HHIPL1: variants seen among roughly 807,000 people sequenced by gnomAD.
HHIPL1 encodes HHIP like 1, also known as HHIP-like protein 1.
Under a neutral mutation model 61.8 loss-of-function variants are expected in HHIPL1, and 43 were observed. The observed-to-expected ratio is 0.70, with a 90% CI of 0.55 to 0.90. The LOEUF (loss-of-function observed/expected upper bound fraction) is 0.90, where lower values mean the gene tolerates loss of function less well. Among genes scored for constraint, HHIPL1 ranks in the 40% least tolerant of loss-of-function variants. The probability of loss-of-function intolerance (pLI) is 0.00; values close to 1 mark genes in which losing one functional copy is unlikely to be tolerated. For synonymous variants in HHIPL1, 482 were observed against 515.8 expected, an observed-to-expected ratio of 0.93 and a Z score of 0.89; for missense variants, 1,056 against 1,157.7, an observed-to-expected ratio of 0.91 and a Z score of 1.28.
At chr14:99,622,998 T>G in the HHIPL1 span, among the ~76,000 whole-genome samples, 1 of 152,186 alleles carries the variant, frequency 6.6e-6, no homozygotes, top group East Asian at 1.9e-4. Context: ...ACCCATGTGC[T>G]ATGGAACTGC....
Position 99,668,096 on chromosome 14 carries a change from C to T in HHIPL1, c.1649-126C>T. The T allele has an allele frequency of 2.8e-6, 2 of 719,588 alleles. No homozygotes were observed. The highest frequency in any genetic ancestry group is 5.2e-6 in the Non-Finnish European group (2 of 385,400). The allele number at this position is 719,588 out of a possible 1,614,324, so 44.6% of individuals were successfully genotyped here. A position where few individuals can be genotyped will look rare whatever the true frequency, so the allele number is the denominator to read the frequency against. On this transcript the variant is annotated intron_variant, in intron 6 of 8. Coordinates refer to ENST00000330710, the MANE Select transcript of HHIPL1 (RefSeq NM_001127258.3). This position sits in a 1 kb window ranked among gnomAD's most constrained non-coding sequence, Gnocchi z 4.7. ...GGACAGCTAGACTGAGCTGGGATGC[C>T]TCACGTGATGGCTAGCTGGGGTTGG... is the stretch of plus-strand genomic sequence containing the variant.
the HHIPL1 span, among the ~76,000 whole-genome samples, chr14:99,626,865 C>T: frequency 1.3e-5 from 2 of 152,180 alleles, no homozygotes; most frequent in African/African-American, 4.8e-5. Flanking sequence ...CCTCCCCCCT[C>T]GAAGCATCCC....
At chr14:99,664,914 T>TC (rs1266884849) in intron 6 of HHIPL1, among the ~76,000 whole-genome samples, 5 of 124,110 alleles carry the variant, frequency 4.0e-5, no homozygotes, top group Non-Finnish European at 8.6e-5. Context: ...ATTTTTTTTT[T>TC]CTTTTTTTTT....
chr14:99,640,549 T>C (rs1170115232), upstream of HHIPL1, among the ~76,000 whole-genome samples: 1 of 152,222 alleles, frequency 6.6e-6, no homozygotes, highest in Non-Finnish European at 1.5e-5. Flanking sequence ...CCTCCCAAAG[T>C]GCTGGAATAT....
the HHIPL1 span, among the ~76,000 whole-genome samples, chr14:99,609,005 G>C: frequency 6.6e-6 from 1 of 152,192 alleles, no homozygotes; most frequent in African/African-American, 2.4e-5. Flanking sequence ...CTCTTCTGCT[G>C]TGACTCTGGT....
chr14:99,613,831 A>G, the HHIPL1 span, among the ~76,000 whole-genome samples: 4 of 152,094 alleles, frequency 2.6e-5, no homozygotes, highest in Admixed American at 6.5e-5. Context: ...GAATCACTTG[A>G]ACCCAGGAGT....
rs572979321 is a variant in HHIPL1 at position 99,659,598 on chromosome 14, C to A, written c.1217C>A (p.Pro406His). 7.5e-5 allele frequency: 117 copies of A among 1,551,074 alleles called. No individual in the cohort carries two copies. In the Middle Eastern group the frequency reaches 8.5e-4, roughly 11 times the overall value. ...MWRCSFDRGDPSSGTGRGRLF... is the reference protein window; with the variant it reads ...MWRCSFDRGDHSSGTGRGRLF... ...CGCTGCTCCTTCGACCGTGGCGACC[C>A]CTCCTCGGGCACTGGCCGCGGGCGC... is the stretch of plus-strand genomic sequence containing the variant. The change falls in exon 4 of 9, where the codon CCC becomes CAC. Residue 406 changes from proline to histidine, a missense_variant. By Grantham distance (77) the Pro-to-His change is moderately conservative (BLOSUM62 -2). Coordinates refer to ENST00000330710, the MANE Select transcript of HHIPL1 (RefSeq NM_001127258.3).
intron 1 of HHIPL1, among the ~76,000 whole-genome samples, chr14:99,650,081 G>T (rs2055901490): frequency 6.6e-6 from 1 of 152,262 alleles, no homozygotes; most frequent in Non-Finnish European, 1.5e-5. Flanking sequence ...CCCTTGGCCA[G>T]TCAGGTGAGA....
At position 99,679,032 on chromosome 14, in the gene HHIPL1, C is replaced by A. The variant is rs934527267; in HGVS notation, c.*3406C>A. On this transcript the variant is annotated 3_prime_UTR_variant, in exon 9 of 9. Transcript: ENST00000330710. Reference sequence around the variant, plus strand: ...CACTCATGTAATCCTCATATTAATGCACATTTACTCACGTGGAAGCCGAGT... The same window carrying A: ...CACTCATGTAATCCTCATATTAATGAACATTTACTCACGTGGAAGCCGAGT... The A allele has an allele frequency of 1.3e-5, 2 of 152,242 alleles. No individual in the cohort carries two copies. Among genetic ancestry groups the A allele is most frequent in the African/African-American group, 4.8e-5 (2 of 41,464 alleles). 9.4% of individuals were successfully genotyped at this position (152,242 alleles called of 1,614,324 possible).
chr14:99,669,908 G>A (rs2056307439), intron 7 of HHIPL1, among the ~76,000 whole-genome samples: 1 of 152,190 alleles, frequency 6.6e-6, no homozygotes, highest in Non-Finnish European at 1.5e-5. Context: ...CTGGATAACA[G>A]AGCAAGACCC....
Position 99,656,842 on chromosome 14 carries a change from A to C in HHIPL1, c.903-158A>C, listed in dbSNP as rs1566809925. Among the ~76,000 whole-genome samples, 2 of 9,786 alleles carry C rather than the reference A, an allele frequency of 2.0e-4. 1 individual carries two copies. The highest frequency in any genetic ancestry group is 2.9e-3 in the Admixed American group (2 of 690). 6.4% of individuals were successfully genotyped at this position (9,786 alleles called of 152,430 possible). A position where few individuals can be genotyped will look rare whatever the true frequency, so the allele number is the denominator to read the frequency against. On this transcript the variant is annotated intron_variant, in intron 2 of 8. Transcript: ENST00000330710. ...AAGAAAGAAAGAAAGAAAGAAAGGA[A>C]GGAAGGAAGGAAGGAAGGAAGGAAG...
intron 1 of HHIPL1, among the ~76,000 whole-genome samples, chr14:99,650,011 C>A (rs1302866474): frequency 6.6e-6 from 1 of 152,204 alleles, no homozygotes; most frequent in Non-Finnish European, 1.5e-5. Flanking sequence ...TAAGACATGG[C>A]ACCCTGGTCT....
At chr14:99,628,881 G>A in the HHIPL1 span, among the ~76,000 whole-genome samples, 1 of 152,188 alleles carries the variant, frequency 6.6e-6, no homozygotes, top group Admixed American at 6.5e-5. Context: ...CAGGAGGATG[G>A]AAGACGAGGT....
the HHIPL1 span, among the ~76,000 whole-genome samples, chr14:99,636,968 G>GA: frequency 1.5e-4 from 14 of 94,812 alleles, no homozygotes; most frequent in Admixed American, 4.1e-4. Flanking sequence ...AGATCCTGCT[G>GA]AAAAAAAAAA....
At chr14:99,622,890 CA>C in the HHIPL1 span, among the ~76,000 whole-genome samples, 1 of 152,244 alleles carries the variant, frequency 6.6e-6, no homozygotes, top group Non-Finnish European at 1.5e-5. Flanking sequence ...AAGCACTCAG[CA>C]TGCTGTGGAC....
chr14:99,629,858 G>T, the HHIPL1 span, among the ~76,000 whole-genome samples: 4 of 152,220 alleles, frequency 2.6e-5, no homozygotes, highest in Non-Finnish European at 5.9e-5. Context: ...ATACACTAAA[G>T]ATTTAAGAAG....
At chr14:99,644,224 G>A (rs2055790637), upstream of HHIPL1, among the ~76,000 whole-genome samples, 1 of 152,148 alleles carries the variant, frequency 6.6e-6, no homozygotes, top group Admixed American at 6.6e-5. Flanking sequence ...TGCAGAGGAC[G>A]GATGTGTGCG....
chr14:99,619,754 G>C, the HHIPL1 span, among the ~76,000 whole-genome samples: 2 of 150,004 alleles, frequency 1.3e-5, no homozygotes, highest in Non-Finnish European at 3.0e-5. Flanking sequence ...TCACAGCCAG[G>C]TGATATTTAG....
the HHIPL1 span, chr14:99,604,702 C>G: frequency 3.3e-5 from 5 of 152,134 alleles, no homozygotes; most frequent in African/African-American, 4.8e-5. Flanking sequence ...CGAGCCCCCT[C>G]CCCGGCCCGC....
Sources: gnomAD v4.1 joint callset for allele counts (sites outside exome capture counted in the v4.1 genomes callset) on GRCh38, gnomAD v4.1.1 for gene constraint, Gnocchi (gnomAD v3.1) non-coding constraint, MANE v1.5 for transcripts, NCBI Gene and HGNC (gene_info 2026-07-23, HGNC 2026-07-21) for gene names.